The following STPG2 variants were observed in gnomAD, a reference collection of about 807,000 sequenced individuals.
The protein encoded by STPG2 is sperm tail PG-rich repeat containing 2, also known as sperm-tail PG-rich repeat-containing protein 2.
STPG2 carries 56 observed loss-of-function variants against 54.2 expected under a neutral mutation model. The ratio of observed to expected loss-of-function variants is 1.03; its 90% CI spans 0.83 to 1.29. STPG2 has a LOEUF of 1.29. Among genes scored for constraint, STPG2 ranks in the 50% most tolerant of loss-of-function variants. STPG2 has a pLI of 0.00. For missense variants in STPG2, 596 were observed against 544.9 expected, an observed-to-expected ratio of 1.09 and a Z score of -0.93; for synonymous variants, 200 against 181.8, an observed-to-expected ratio of 1.10 and a Z score of -0.81.
chr4:98,101,863 CTT>C (rs1739046828), intron 5 of STPG2, among the ~76,000 whole-genome samples: 7 of 136,614 alleles, frequency 5.1e-5, no homozygotes, highest in South Asian at 2.5e-4. Flanking sequence ...ATTTCATTAT[CTT>C]CCCCCTCCCC....
At chr4:98,009,528 G>A (rs993801741) in intron 5 of STPG2, among the ~76,000 whole-genome samples, 2 of 151,960 alleles carry the variant, frequency 1.3e-5, no homozygotes, top group African/African-American at 4.8e-5. Flanking sequence ...TTATTCATGT[G>A]TGCTTGTGAC....
At chr4:97,625,627 T>C (rs1210353288) in intron 10 of STPG2, among the ~76,000 whole-genome samples, 3 of 152,324 alleles carry the variant, frequency 2.0e-5, no homozygotes, top group East Asian at 3.9e-4. Context: ...CTTCCTTTCT[T>C]ATTGGGCACA....
intron 9 of STPG2, among the ~76,000 whole-genome samples, chr4:97,743,306 A>G (rs1725324992): frequency 6.6e-6 from 1 of 151,678 alleles, no homozygotes; most frequent in African/African-American, 2.4e-5. Flanking sequence ...GCTTTTTAAT[A>G]TTATCAGAGT....
intron 8 of STPG2, among the ~76,000 whole-genome samples, chr4:97,908,707 C>G (rs927505595): frequency 1.5e-3 from 223 of 151,812 alleles, no homozygotes; most frequent in African/African-American, 5.3e-3. Context: ...GAGTACATGT[C>G]CTTTGTAGGG....
intron 8 of STPG2, among the ~76,000 whole-genome samples, chr4:97,914,381 G>A (rs1021253636): frequency 5.3e-5 from 8 of 152,006 alleles, no homozygotes; most frequent in Admixed American, 5.2e-4. Context: ...TAGCTCACCA[G>A]GAAAATAAAA....
intron 10 of STPG2, among the ~76,000 whole-genome samples, chr4:97,660,200 C>T (rs919742768): frequency 6.6e-6 from 1 of 152,160 alleles, no homozygotes; most frequent in African/African-American, 2.4e-5. Context: ...GATAGGGTTT[C>T]ACCGTATTAG....
At chr4:97,602,527 A>G (rs1295214200) in intron 10 of STPG2, among the ~76,000 whole-genome samples, 1 of 151,868 alleles carries the variant, frequency 6.6e-6, no homozygotes, top group East Asian at 1.9e-4. Flanking sequence ...TTCTAACATT[A>G]TAACATTGAA....
At chr4:97,912,869 G>A (rs1002036046) in intron 8 of STPG2, among the ~76,000 whole-genome samples, 4 of 152,104 alleles carry the variant, frequency 2.6e-5, no homozygotes, top group African/African-American at 9.7e-5. Flanking sequence ...GCCTAAATAA[G>A]TGACAAATAA....
At chr4:97,776,098 A>G (rs1726365936) in intron 9 of STPG2, among the ~76,000 whole-genome samples, 1 of 152,142 alleles carries the variant, frequency 6.6e-6, no homozygotes, top group African/African-American at 2.4e-5. Context: ...AATATCATTG[A>G]TGGTTTTAAT....
intron 10 of STPG2, among the ~76,000 whole-genome samples, chr4:97,613,378 G>T (rs1323059208): frequency 6.6e-6 from 1 of 151,824 alleles, no homozygotes; most frequent in African/African-American, 2.4e-5. Context: ...TTTTGAGGAA[G>T]AATAATAAAA....
intron 5 of STPG2, among the ~76,000 whole-genome samples, chr4:98,054,231 T>C (rs1465822235): frequency 6.6e-6 from 1 of 152,090 alleles, no homozygotes; most frequent in Non-Finnish European, 1.5e-5. Flanking sequence ...TATTTAGCAA[T>C]AATCAAATCA....
At chr4:98,086,400 A>G (rs116243587) in intron 5 of STPG2, among the ~76,000 whole-genome samples, 9,227 of 152,074 alleles carry the variant, frequency 0.061, 309 homozygotes, top group Middle Eastern at 0.095. Context: ...GAAGAAAAAT[A>G]TTTTTTAAAA....
intron 5 of STPG2, among the ~76,000 whole-genome samples, chr4:98,054,252 C>T (rs1042509027): frequency 3.9e-5 from 6 of 152,022 alleles, no homozygotes; most frequent in Non-Finnish European, 8.8e-5. Context: ...CAACGCATAA[C>T]CCCATGCAGC....
chr4:98,019,178 C>G (rs1365433218), intron 5 of STPG2, among the ~76,000 whole-genome samples: 2 of 152,106 alleles, frequency 1.3e-5, no homozygotes, highest in African/African-American at 4.8e-5. Flanking sequence ...TTTAATCCAT[C>G]TTGAATTAAT....
chr4:97,919,682 G>A (rs546846598), intron 8 of STPG2, among the ~76,000 whole-genome samples: 49 of 151,880 alleles, frequency 3.2e-4, no homozygotes, highest in Middle Eastern at 3.4e-3. Flanking sequence ...ACCTTCTCAC[G>A]GAGAAAAATC....
intron 4 of STPG2, among the ~76,000 whole-genome samples, chr4:97,456,189 G>T (rs1257124929): frequency 6.6e-6 from 1 of 152,106 alleles, no homozygotes; most frequent in Non-Finnish European, 1.5e-5. Context: ...CCCGAAACGG[G>T]GTAATTTATG....
At chr4:97,712,138 A>C (rs1724143239) in intron 10 of STPG2, among the ~76,000 whole-genome samples, 1 of 152,196 alleles carries the variant, frequency 6.6e-6, no homozygotes. Context: ...TAGGGTAGGA[A>C]TGGGGAACCT....
At chr4:98,097,041 A>T (rs558926243) in intron 5 of STPG2, among the ~76,000 whole-genome samples, 1 of 152,306 alleles carries the variant, frequency 6.6e-6, no homozygotes, top group East Asian at 1.9e-4. Context: ...TTTACCAAAC[A>T]TTAAAAGAAG....
intron 9 of STPG2, among the ~76,000 whole-genome samples, chr4:97,798,951 G>C (rs1022455068): frequency 1.8e-5 from 1 of 56,142 alleles, no homozygotes; most frequent in Non-Finnish European, 3.4e-5. Flanking sequence ...CCTTCTTTGT[G>C]TCTTTTGATC....
Sources: allele counts gnomAD v4.1 joint callset (sites outside exome capture counted in the v4.1 genomes callset), GRCh38; gene constraint gnomAD v4.1.1; transcripts MANE v1.5; gene names NCBI Gene and HGNC (gene_info 2026-07-23, HGNC 2026-07-21).